The following CEP350 variants were observed in gnomAD, a reference collection of about 807,000 sequenced individuals.
CEP350 encodes the protein centrosome-associated protein 350.
Under a neutral mutation model 331.8 loss-of-function variants are expected in CEP350, and 126 were observed. That is an observed-to-expected ratio of 0.38 (90% CI 0.33 to 0.44). The LOEUF (loss-of-function observed/expected upper bound fraction) is 0.44. CEP350 is among the 20% of genes least tolerant of loss of function. The pLI, the probability that CEP350 is intolerant of heterozygous loss-of-function variation, is 1.00. For missense variants in CEP350, 3,406 were observed against 3,634.6 expected (o/e 0.94, Z 1.62); for synonymous variants, 1,200 against 1,259.5 (o/e 0.95, Z 1.00).
chr1:180,079,374 G>A (rs987363086), intron 29 of CEP350, among the ~76,000 whole-genome samples: 2 of 151,938 alleles, frequency 1.3e-5, no homozygotes. Flanking sequence ...CTTTGTTGGA[G>A]TCTTCCATTT....
At chr1:179,975,880 G>C (rs1189029352) in intron 1 of CEP350, among the ~76,000 whole-genome samples, 1 of 152,166 alleles carries the variant, frequency 6.6e-6, no homozygotes, top group African/African-American at 2.4e-5. Context: ...GAGGTTGCCT[G>C]GGTAGAAGGA....
At chr1:180,078,397 T>G in intron 28 of CEP350, 66 bp from the exon 29 acceptor site, 1 of 1,139,894 alleles carries the variant, frequency 8.8e-7, no homozygotes, top group South Asian at 1.4e-5. Flanking sequence ...ACAATGTTTA[T>G]TAGTGTAATT....
At chr1:179,981,412 C>T (rs753495428) in intron 1 of CEP350, among the ~76,000 whole-genome samples, 1 of 152,090 alleles carries the variant, frequency 6.6e-6, no homozygotes, top group Non-Finnish European at 1.5e-5. Context: ...ACACTTAAAA[C>T]TGGTTGGGAA....
chr1:180,033,971 A>G lies in CEP350; in HGVS notation c.3835A>G (p.Lys1279Glu), dbSNP rs527846531. Residue 1279 changes from lysine to glutamate, a missense_variant, in exon 16 of 38, where the codon AAG becomes GAG. Around this residue, in one of 5 missense-constraint regions of CEP350, gnomAD observed 1,857 missense variants for 1,909.2 expected, o/e 0.97. Coordinates refer to ENST00000367607, the MANE Select transcript of CEP350 (RefSeq NM_014810.5). ...DVAGTSSERS[K>E]SSVMPPTITG... ...TGCAGGAACTTCTTCAGAAAGATCT[A>G]AGTCGTCAGTAATGCCTCCAACTAT... is the stretch of plus-strand genomic sequence containing the variant. 1.2e-6 allele frequency: 2 copies of G among 1,613,938 alleles called. No homozygotes were observed. Among genetic ancestry groups the G allele is most frequent in the African/African-American group, 1.3e-5 (1 of 75,044 alleles).
At chr1:180,077,815 G>A (rs934161481) in intron 28 of CEP350, among the ~76,000 whole-genome samples, 2 of 151,806 alleles carry the variant, frequency 1.3e-5, no homozygotes, top group Non-Finnish European at 2.9e-5. Context: ...TTTCTTCATA[G>A]GAAACCTTTG....
intron 11 of CEP350, among the ~76,000 whole-genome samples, chr1:180,017,220 C>T (rs1438464102): frequency 2.0e-5 from 3 of 152,108 alleles, no homozygotes; most frequent in African/African-American, 7.2e-5. Flanking sequence ...CAGTGTGACT[C>T]TAGAAGCCTG....
At chr1:180,095,432 T>A (rs914639287) in intron 34 of CEP350, 91 bp from the exon 35 acceptor site, 1 of 1,370,946 alleles carries the variant, frequency 7.3e-7, no homozygotes, top group Admixed American at 2.6e-5. Flanking sequence ...ATATTAGATA[T>A]ATAAATAATG....
rs566327333 is a variant in CEP350, at chr1:180,038,355, T to G, written c.4110+1266T>G. The stretch of plus-strand genomic sequence containing the variant: ...TTGTGAATATTCCTGCTATGAACAT[T>G]TTTAAACAACTCTGTGCATACTACA... On this transcript the variant is annotated intron_variant, in intron 17 of 37. Transcript: ENST00000367607. Among the ~76,000 whole-genome samples, 4 of 152,344 alleles carry G rather than the reference T, an allele frequency of 2.6e-5. No individual in the cohort carries two copies. In the South Asian group the frequency reaches 8.3e-4, roughly 32 times the overall value.
intron 37 of CEP350, among the ~76,000 whole-genome samples, chr1:180,101,519 A>G (rs1407120456): frequency 2.0e-5 from 3 of 152,180 alleles, no homozygotes; most frequent in African/African-American, 7.2e-5. Context: ...TCACCACACA[A>G]GAAAACTTCT....
intron 37 of CEP350, 116 bp from the exon 38 acceptor site, chr1:180,110,881 C>T (rs1661433471): frequency 1.4e-5 from 12 of 877,160 alleles, no homozygotes; most frequent in South Asian, 4.1e-5. Context: ...TATCTTTTTT[C>T]TCTGGTTTAT....
At chr1:180,084,662 C>T (rs2149098298) in intron 31 of CEP350, among the ~76,000 whole-genome samples, 1 of 152,148 alleles carries the variant, frequency 6.6e-6, no homozygotes. Flanking sequence ...CTGCGCCCAG[C>T]CAAAACATTA....
chr1:180,041,894 A>C (rs943675975), intron 19 of CEP350, 92 bp downstream of exon 19: 1 of 1,189,152 alleles, frequency 8.4e-7, no homozygotes, highest in Non-Finnish European at 1.2e-6. Context: ...ATATCTTAGT[A>C]AATGCATACT....
At chr1:180,046,679 G>A (rs967220540) in intron 21 of CEP350, among the ~76,000 whole-genome samples, 5 of 152,272 alleles carry the variant, frequency 3.3e-5, no homozygotes, top group African/African-American at 1.2e-4. Context: ...AGTAACTGCA[G>A]CATTTTATAC....
chr1:179,978,974 G>A (rs1341932414), intron 1 of CEP350, among the ~76,000 whole-genome samples: 1 of 151,898 alleles, frequency 6.6e-6, no homozygotes, highest in African/African-American at 2.4e-5. Context: ...ATCTGTTGTC[G>A]GACACTTGGG....
intron 37 of CEP350, among the ~76,000 whole-genome samples, chr1:180,106,339 T>C (rs1248660685): frequency 6.6e-6 from 1 of 152,214 alleles, no homozygotes; most frequent in Non-Finnish European, 1.5e-5. Context: ...TTCACACAAT[T>C]AATTACAATT....
chr1:179,978,540 T>C (rs528732417), intron 1 of CEP350, among the ~76,000 whole-genome samples: 6 of 152,194 alleles, frequency 3.9e-5, no homozygotes, highest in African/African-American at 1.4e-4. Context: ...CTAAGCCCCC[T>C]TAACCCCCCT....
chr1:180,061,610 C>G (rs1294167707), intron 25 of CEP350, among the ~76,000 whole-genome samples: 1 of 152,176 alleles, frequency 6.6e-6, no homozygotes, highest in Non-Finnish European at 1.5e-5. Context: ...AAACAGTATT[C>G]TGTGTGGAGA....
chr1:180,080,441 C>T, intron 29 of CEP350, 76 bp from the exon 30 acceptor site: 2 of 1,250,334 alleles, frequency 1.6e-6, no homozygotes, highest in Non-Finnish European at 2.3e-6. Flanking sequence ...CTTTATATGG[C>T]TAGTATGTCA....
At chr1:179,960,641 A>G (rs1650538010) in intron 1 of CEP350, among the ~76,000 whole-genome samples, 1 of 152,124 alleles carries the variant, frequency 6.6e-6, no homozygotes, top group Non-Finnish European at 1.5e-5. Context: ...TTGCTGTGAT[A>G]AAAAGCAAGT....
Sources: gnomAD v4.1 joint callset for allele counts (sites outside exome capture counted in the v4.1 genomes callset) on GRCh38, gnomAD v4.1.1 for gene constraint, gnomAD v4.1.1 regional missense constraint, MANE v1.5 for transcripts, NCBI Gene and HGNC (gene_info 2026-07-23, HGNC 2026-07-21) for gene names.